The following PNISR variants were observed in gnomAD, a reference collection of about 807,000 sequenced individuals.
PNISR encodes arginine/serine-rich protein PNISR.
Under a neutral mutation model 93.4 loss-of-function variants are expected in PNISR, and 20 were observed. The ratio of observed to expected loss-of-function variants is 0.21; its 90% CI spans 0.15 to 0.31. PNISR has a LOEUF of 0.31. PNISR is among the 10% of genes least tolerant of loss of function. The probability of loss-of-function intolerance (pLI) is 1.00; values close to 1 mark genes in which losing one functional copy is unlikely to be tolerated. For synonymous variants in PNISR, 305 were observed against 306.5 expected (o/e 0.99, Z 0.05); for missense variants, 893 against 985.4 (o/e 0.91, Z 1.25).
chr6:99,404,663 C>G lies in PNISR; in HGVS notation c.1042G>C (p.Asp348His), dbSNP rs1775918469. 1.2e-6 allele frequency: 2 copies of G among 1,605,248 alleles called. No individual in the cohort carries two copies. Among genetic ancestry groups the G allele is most frequent in the Non-Finnish European group, 1.7e-6 (2 of 1,172,178 alleles). ...TKMLLTEILLDVTDEEIYYVA... is the reference protein window; with the variant it reads ...TKMLLTEILLHVTDEEIYYVA... ...TAATAAATTTCTTCATCTGTGACAT[C>G]CAGCAGAATTTCTGTTAGAAGCATT... is the stretch of plus-strand genomic sequence containing the variant. Residue 348 changes from aspartate (D) to histidine (H), a missense_variant, in exon 9 of 12, where the codon GAT becomes CAT. By Grantham distance (81) the Asp-to-His change is moderately conservative (BLOSUM62 -1). Transcript: ENST00000369239.
intron 10 of PNISR, 176 bp from the exon 11 acceptor site, chr6:99,402,886 C>T: frequency 2.2e-6 from 1 of 449,484 alleles, no homozygotes; most frequent in Non-Finnish European, 3.9e-6. Context: ...ACAGAACCTT[C>T]AGGCAAAGGT....
chr6:99,424,003 A>G (rs572521843), intron 1 of PNISR, among the ~76,000 whole-genome samples: 5 of 152,160 alleles, frequency 3.3e-5, no homozygotes, highest in Non-Finnish European at 7.3e-5. Flanking sequence ...CATCTTCTTT[A>G]AAGACCCTCT....
At chr6:99,424,209 A>G (rs1391366270) in intron 1 of PNISR, among the ~76,000 whole-genome samples, 1 of 152,218 alleles carries the variant, frequency 6.6e-6, no homozygotes, top group Non-Finnish European at 1.5e-5. Flanking sequence ...TGGAACAGAA[A>G]AAGGACTTTA....
At chr6:99,423,469 AAG>A (rs749868764) in intron 1 of PNISR, among the ~76,000 whole-genome samples, 4 of 152,194 alleles carry the variant, frequency 2.6e-5, no homozygotes, top group Non-Finnish European at 5.9e-5. Context: ...ACAGTATAAA[AAG>A]GGGTGGGGGA....
Position 99,400,435 on chromosome 6 carries a change from G to T in PNISR, c.*105C>A, listed in dbSNP as rs1775308714. On this transcript the variant is annotated 3_prime_UTR_variant, in exon 12 of 12. Coordinates refer to ENST00000369239, the MANE Select transcript of PNISR (RefSeq NM_032870.4). ...ATTTAAGACTATGATTATTTATCAA[G>T]TACCAAACTGAGTTTATTAAAGAGA... 7.0e-7 allele frequency: 1 copy of T among 1,434,656 alleles called. No individual in the cohort carries two copies. Among genetic ancestry groups the T allele is most frequent in the Admixed American group, 2.5e-5 (1 of 39,334 alleles). 88.9% of individuals were successfully genotyped at this position (1,434,656 alleles called of 1,614,324 possible). A position where few individuals can be genotyped will look rare whatever the true frequency, so the allele number is the denominator to read the frequency against.
chr6:99,406,066 G>A lies in PNISR; in HGVS notation c.967C>T (p.Pro323Ser). 1.2e-6 allele frequency: 2 copies of A among 1,611,068 alleles called. No individual in the cohort carries two copies. The highest frequency in any genetic ancestry group is 1.7e-6 in the Non-Finnish European group (2 of 1,177,668). Residue 323 changes from proline (P) to serine (S), a missense_variant, in exon 8 of 12, where the codon CCT becomes TCT. Coordinates refer to ENST00000369239, the MANE Select transcript of PNISR (RefSeq NM_032870.4). ...SPVPQEEHSD[P>S]EMTEEEKEYQ... is the part of the protein sequence containing the mutation. Reference sequence around the variant, plus strand: ...TCTTTCTCCTCTTCAGTCATCTCAGGGTCACTGTGCTCTTCTTGAGGAACT... The same window carrying A: ...TCTTTCTCCTCTTCAGTCATCTCAGAGTCACTGTGCTCTTCTTGAGGAACT...
rs1776602235 is a variant in PNISR, at chr6:99,409,419, C to T, written c.502-75G>A. ...CTCTGGGACACACGTGTGTTATGAA[C>T]TGGGACAGTAGAAATCCATGTGTGC... On this transcript the variant is annotated intron_variant, in intron 5 of 11. Coordinates refer to ENST00000369239, the MANE Select transcript of PNISR (RefSeq NM_032870.4). 12 of 1,336,960 alleles carry T rather than the reference C, an allele frequency of 9.0e-6. No homozygotes were observed. In the South Asian group the frequency reaches 1.2e-4, roughly 13 times the overall value. 82.8% of individuals were successfully genotyped at this position (1,336,960 alleles called of 1,614,324 possible). A position where few individuals can be genotyped will look rare whatever the true frequency, so the allele number is the denominator to read the frequency against.
rs74547517 is a variant in PNISR, at chr6:99,418,787, A to G, written c.-111-2359T>C. Among the ~76,000 whole-genome samples the G allele has an allele frequency of 9.3e-3, 1,423 of 152,280 alleles. 9 individuals carry two copies. The highest frequency in any genetic ancestry group is 0.016 in the Non-Finnish European group (1,067 of 68,028). On this transcript the variant is annotated intron_variant, in intron 1 of 11. Transcript: ENST00000369239. ...ATTAAGTCTGGAGTTGAGAAACTTG[A>G]TTTAGTTACAGAGGATGACTACTGG...
In PNISR at chr6:99,401,159, T is replaced by A; in HGVS notation, c.1799A>T (p.Asn600Ile). ...TCGTCGTCTTTCTCTTTCAATGCTA[T>A]TTCTATTAGATCTCCTTCTATCTCT... ...KIRDRRRSNRNSIERERRRNR... is the reference protein window; with the variant it reads ...KIRDRRRSNRISIERERRRNR... Residue 600 changes from asparagine to isoleucine, a missense_variant, in exon 12 of 12, where the codon AAT becomes ATT. By Grantham distance (149) the Asn-to-Ile change is moderately radical (BLOSUM62 -3). Coordinates refer to ENST00000369239, the MANE Select transcript of PNISR (RefSeq NM_032870.4). 6.2e-7 allele frequency: 1 copy of A among 1,614,096 alleles called. No individual in the cohort carries two copies. Among genetic ancestry groups the A allele is most frequent in the Non-Finnish European group, 8.5e-7 (1 of 1,179,996 alleles).
chr6:99,409,143 G>A, intron 6 of PNISR, 30 bp downstream of exon 6: 1 of 1,572,132 alleles, frequency 6.4e-7, no homozygotes, highest in Non-Finnish European at 8.8e-7. Context: ...CATGCCAATT[G>A]TGGTCCACTA....
intron 8 of PNISR, 37 bp from the exon 9 acceptor site, chr6:99,404,739 T>G (rs772820856): frequency 1.9e-5 from 19 of 1,006,456 alleles, no homozygotes; most frequent in Non-Finnish European, 3.0e-5. Flanking sequence ...TTCTAATTAT[T>G]ATAGCTACTA....
Position 99,400,853 on chromosome 6 carries a change from A to G in PNISR, c.2105T>C (p.Phe702Ser), listed in dbSNP as rs768093173. 3.4e-5 allele frequency: 55 copies of G among 1,603,802 alleles called. No individual in the cohort carries two copies. The highest frequency in any genetic ancestry group is 2.4e-5 in the Non-Finnish European group (28 of 1,174,904). ...KEKQKREEKD[F>S]KFSSQDDRLK... ...TCTATCATCCTGACTACTGAACTTA[A>G]AATCTTTTTCTTCCCTTTTTTGTTT... Residue 702 changes from phenylalanine (F) to serine (S), a missense_variant, in exon 12 of 12, where the codon TTT (phenylalanine) becomes TCT (serine). Phe to Ser is a radical substitution (Grantham distance 155, BLOSUM62 -2). Coordinates refer to ENST00000369239, the MANE Select transcript of PNISR (RefSeq NM_032870.4).
intron 1 of PNISR, among the ~76,000 whole-genome samples, chr6:99,422,895 A>AAC (rs1778781838): frequency 2.3e-5 from 3 of 132,914 alleles, no homozygotes; most frequent in Non-Finnish European, 3.2e-5. Flanking sequence ...AAAAAAAAAA[A>AAC]AAAACTGGAG....
intron 7 of PNISR, among the ~76,000 whole-genome samples, chr6:99,406,953 G>C (rs1159612650): frequency 6.6e-6 from 1 of 151,998 alleles, no homozygotes; most frequent in Non-Finnish European, 1.5e-5. Context: ...GGAGAAAAGA[G>C]GAAGGAAAAT....
At chr6:99,421,991 G>C (rs1375146624) in intron 1 of PNISR, among the ~76,000 whole-genome samples, 1 of 151,900 alleles carries the variant, frequency 6.6e-6, no homozygotes, top group Non-Finnish European at 1.5e-5. Flanking sequence ...TCAGCCTCCC[G>C]AGTAGCTGGG....
intron 2 of PNISR, chr6:99,415,268 A>T (rs1562254296): frequency 6.6e-6 from 1 of 152,196 alleles, no homozygotes; most frequent in Non-Finnish European, 1.5e-5. Flanking sequence ...TCCCAGAATC[A>T]CTAAGAATTC....
chr6:99,404,798 TC>T, intron 8 of PNISR, 96 bp from the exon 9 acceptor site: 1 of 634,610 alleles, frequency 1.6e-6, no homozygotes. Context: ...ATTTTTTTTT[TC>T]AGACAGTCTC....
intron 1 of PNISR, among the ~76,000 whole-genome samples, chr6:99,416,836 T>C (rs1777762688): frequency 1.3e-5 from 2 of 152,212 alleles, no homozygotes; most frequent in Non-Finnish European, 2.9e-5. Context: ...AAATTAACAT[T>C]AGCAAGGAGA....
chr6:99,401,945 C>T (rs1775557442), intron 11 of PNISR, among the ~76,000 whole-genome samples: 1 of 152,206 alleles, frequency 6.6e-6, no homozygotes, highest in South Asian at 2.1e-4. Flanking sequence ...AGCCACATTT[C>T]AAGTTCTCTA....
Sources: allele counts gnomAD v4.1 joint callset (sites outside exome capture counted in the v4.1 genomes callset), GRCh38; gene constraint gnomAD v4.1.1; transcripts MANE v1.5; gene names NCBI Gene and HGNC (gene_info 2026-07-23, HGNC 2026-07-21).